Variants in SPMIP2 observed in about 807,000 individuals in gnomAD.
SPMIP2 encodes protein SPMIP2.
chr4:159,048,011 C>T, the SPMIP2 span, among the ~76,000 whole-genome samples: 1 of 152,244 alleles, frequency 6.6e-6, no homozygotes, highest in Non-Finnish European at 1.5e-5. Flanking sequence ...GATGAGGATG[C>T]TTACCGCGTG....
the SPMIP2 span, among the ~76,000 whole-genome samples, chr4:159,080,897 G>C: frequency 6.6e-6 from 1 of 151,996 alleles, no homozygotes; most frequent in Non-Finnish European, 1.5e-5. Context: ...CTAATTTTTT[G>C]TATTTTTAGT....
At chr4:158,894,906 A>G in the SPMIP2 span, among the ~76,000 whole-genome samples, 1 of 152,234 alleles carries the variant, frequency 6.6e-6, no homozygotes, top group African/African-American at 2.4e-5. Flanking sequence ...GTCAAGATCA[A>G]CATTTTCAAA....
the SPMIP2 span, among the ~76,000 whole-genome samples, chr4:159,010,276 G>A: frequency 1.2e-4 from 19 of 152,294 alleles, no homozygotes; most frequent in African/African-American, 4.6e-4. Flanking sequence ...AGGTCAGCAG[G>A]TATGACCTTG....
chr4:159,043,405 G>C, the SPMIP2 span, among the ~76,000 whole-genome samples: 26 of 152,168 alleles, frequency 1.7e-4, 1 homozygote, highest in South Asian at 5.2e-3. Flanking sequence ...GGAGTGCAGT[G>C]GCGCGATCTC....
the SPMIP2 span, among the ~76,000 whole-genome samples, chr4:159,037,785 TACACACACAC>T: frequency 0.011 from 1,259 of 118,992 alleles, 7 homozygotes; most frequent in African/African-American, 0.014. Flanking sequence ...AAACAATATA[TACACACACAC>T]ACACACACAC....
chr4:158,921,053 TAGAA>T, the SPMIP2 span, among the ~76,000 whole-genome samples: 2 of 152,188 alleles, frequency 1.3e-5, no homozygotes, highest in African/African-American at 2.4e-5. Flanking sequence ...TATGGAAAAA[TAGAA>T]AGAACCTACG....
At chr4:158,911,000 A>C in the SPMIP2 span, among the ~76,000 whole-genome samples, 2 of 152,240 alleles carry the variant, frequency 1.3e-5, no homozygotes, top group Non-Finnish European at 2.9e-5. Context: ...GAGTAGGATC[A>C]GAAAATTGTC....
the SPMIP2 span, among the ~76,000 whole-genome samples, chr4:158,993,496 CT>C: frequency 6.6e-6 from 1 of 151,674 alleles, no homozygotes; most frequent in African/African-American, 2.4e-5. Context: ...TTTTAAATTT[CT>C]ATTTTCATGC....
the SPMIP2 span, among the ~76,000 whole-genome samples, chr4:159,053,607 C>G: frequency 6.6e-6 from 1 of 152,276 alleles, no homozygotes; most frequent in Admixed American, 6.5e-5. Context: ...TTCTACCACC[C>G]CATCATTTTA....
At chr4:159,060,040 G>T in the SPMIP2 span, among the ~76,000 whole-genome samples, 2 of 152,278 alleles carry the variant, frequency 1.3e-5, no homozygotes, top group South Asian at 4.1e-4. Context: ...CCGTGGATGG[G>T]GTTTCCAGGA....
chr4:158,998,407 C>T, the SPMIP2 span, among the ~76,000 whole-genome samples: 1 of 152,160 alleles, frequency 6.6e-6, no homozygotes, highest in East Asian at 1.9e-4. Flanking sequence ...GATTACATAA[C>T]TGCAAAAATA....
the SPMIP2 span, among the ~76,000 whole-genome samples, chr4:159,058,849 T>C: frequency 1.3e-5 from 2 of 152,230 alleles, no homozygotes; most frequent in South Asian, 2.1e-4. Context: ...AATAATATTT[T>C]ACAAAGCACT....
At chr4:158,918,396 A>G in the SPMIP2 span, among the ~76,000 whole-genome samples, 1 of 152,244 alleles carries the variant, frequency 6.6e-6, no homozygotes, top group African/African-American at 2.4e-5. Context: ...ATTTCAAGAA[A>G]GCTTAAAAGG....
chr4:159,009,896 G>A, the SPMIP2 span, among the ~76,000 whole-genome samples: 23 of 152,260 alleles, frequency 1.5e-4, no homozygotes, highest in South Asian at 4.1e-3. Flanking sequence ...TGAGGTGGGC[G>A]GATCACTTGA....
chr4:159,038,511 G>A, the SPMIP2 span: 3 of 151,988 alleles, frequency 2.0e-5, no homozygotes, highest in Admixed American at 2.0e-4. Flanking sequence ...TTTTAAAAAT[G>A]AGCTAACATT....
the SPMIP2 span, among the ~76,000 whole-genome samples, chr4:158,944,185 A>G: frequency 6.6e-6 from 1 of 151,704 alleles, no homozygotes; most frequent in Non-Finnish European, 1.5e-5. Context: ...TTTTTCAAAA[A>G]CCATGGCATG....
chr4:158,899,330 C>T, the SPMIP2 span, among the ~76,000 whole-genome samples: 4 of 152,082 alleles, frequency 2.6e-5, no homozygotes, highest in Non-Finnish European at 4.4e-5. Context: ...GGGTCTCTGC[C>T]AGGTTTTGCT....
the SPMIP2 span, among the ~76,000 whole-genome samples, chr4:159,001,498 C>G: frequency 7.9e-5 from 12 of 152,138 alleles, no homozygotes; most frequent in African/African-American, 2.9e-4. Context: ...GCTCCTCTCC[C>G]TCCTCCCATC....
At chr4:158,916,500 A>G in the SPMIP2 span, among the ~76,000 whole-genome samples, 1 of 152,184 alleles carries the variant, frequency 6.6e-6, no homozygotes, top group South Asian at 2.1e-4. Context: ...GGCTGTCTCC[A>G]GCAGACCCTC....
Sources: allele counts gnomAD v4.1 joint callset (sites outside exome capture counted in the v4.1 genomes callset), GRCh38; gene constraint gnomAD v4.1.1; transcripts MANE v1.5; gene names NCBI Gene and HGNC (gene_info 2026-07-23, HGNC 2026-07-21).